The following MYO5B variants were observed in gnomAD, a reference collection of about 807,000 sequenced individuals.
MYO5B encodes the protein myosin VB, also known as unconventional myosin-Vb.
MYO5B carries 143 observed loss-of-function variants against 229.3 expected under a neutral mutation model. That is an observed-to-expected ratio of 0.62 (90% confidence interval 0.54 to 0.72). The LOEUF (loss-of-function observed/expected upper bound fraction) is 0.72. MYO5B is among the 30% of genes least tolerant of loss of function. MYO5B has a pLI of 0.00. For synonymous variants in MYO5B, 918 were observed against 885.2 expected (o/e 1.04, Z -0.66); for missense variants, 2,321 against 2,331.0 (o/e 1.00, Z 0.09).
chr18:50,108,719 G>A (rs1272438213), intron 1 of MYO5B, among the ~76,000 whole-genome samples: 3 of 152,064 alleles, frequency 2.0e-5, no homozygotes, highest in Non-Finnish European at 2.9e-5. Flanking sequence ...TAATAATAAG[G>A]CCTTGCTGTG....
At position 49,963,400 on chromosome 18, in the gene MYO5B, T is replaced by TTTAATTAA. The variant is rs367589656; in HGVS notation, c.1323-378_1323-371dup. Among the ~76,000 whole-genome samples the TTTAATTAA allele has an allele frequency of 2.7e-3, 398 of 147,574 alleles. 2 individuals are homozygous for TTTAATTAA. Among genetic ancestry groups the TTTAATTAA allele is most frequent in the African/African-American group, 8.6e-3 (344 of 40,008 alleles). Reference sequence around the variant, plus strand: ...ACTATGTAACATTTTACTTATTTAATTTAATTAATTAATTAATTTATTTAT... The same window carrying TTTAATTAA: ...ACTATGTAACATTTTACTTATTTAATTTAATTAATTAATTAATTAATTAATTTATTTAT... On this transcript the variant is annotated intron_variant, in intron 10 of 39. Coordinates refer to ENST00000285039, the MANE Select transcript of MYO5B (RefSeq NM_001080467.3).
Position 50,068,715 on chromosome 18 carries a change from A to G in MYO5B, c.28-13337T>C, listed in dbSNP as rs139341719. On this transcript the variant is annotated intron_variant, in intron 1 of 39. Transcript: ENST00000285039. Reference sequence around the variant, plus strand: ...GAAAGAAGAAGTGTGGCTCTGGTCAATAAGTTACCAAGGCACACAGACCTC... The same window carrying G: ...GAAAGAAGAAGTGTGGCTCTGGTCAGTAAGTTACCAAGGCACACAGACCTC... Among the ~76,000 whole-genome samples the G allele has an allele frequency of 3.4e-3, 511 of 152,314 alleles. 4 individuals carry two copies. The highest frequency in any genetic ancestry group is 0.012 in the African/African-American group (489 of 41,562).
intron 2 of MYO5B, among the ~76,000 whole-genome samples, chr18:50,053,422 T>C (rs16951435): frequency 6.4e-4 from 97 of 151,542 alleles, no homozygotes; most frequent in African/African-American, 2.2e-3. Flanking sequence ...ACTACCTCCG[T>C]GCAACTTTTT....
chr18:50,041,652 G>A (rs2030018446), intron 2 of MYO5B, among the ~76,000 whole-genome samples: 1 of 151,998 alleles, frequency 6.6e-6, no homozygotes. Flanking sequence ...ACCAAAATAA[G>A]TTTAGATAGA....
At chr18:49,954,566 T>C in intron 12 of MYO5B, 131 bp from the exon 13 acceptor site, 1 of 1,180,998 alleles carries the variant, frequency 8.5e-7, no homozygotes, top group Non-Finnish European at 1.2e-6. Context: ...GGACCTTAAC[T>C]GGACGGTGCA....
intron 1 of MYO5B, among the ~76,000 whole-genome samples, chr18:50,174,723 C>T (rs930210323): frequency 6.6e-6 from 1 of 152,148 alleles, no homozygotes; most frequent in African/African-American, 2.4e-5. Context: ...TAGGGGGTAG[C>T]AGTGGTGTGG....
chr18:50,158,551 T>C (rs908540130), intron 1 of MYO5B, among the ~76,000 whole-genome samples: 18 of 152,226 alleles, frequency 1.2e-4, no homozygotes, highest in Admixed American at 1.2e-3. Context: ...AATTTCATCA[T>C]GTGATGCATT....
chr18:50,106,309 C>T (rs2031759047), intron 1 of MYO5B, among the ~76,000 whole-genome samples: 1 of 152,216 alleles, frequency 6.6e-6, no homozygotes, highest in Admixed American at 6.5e-5. Flanking sequence ...ATTCTCCTTA[C>T]TGCAGCCAAA....
intron 1 of MYO5B, among the ~76,000 whole-genome samples, chr18:50,077,169 A>C (rs574741818): frequency 1.2e-4 from 1 of 8,164 alleles, no homozygotes; most frequent in Non-Finnish European, 3.9e-4. Flanking sequence ...GTGGCAAAGT[A>C]AAAAAAAAAA....
At chr18:50,035,929 AAC>A (rs975033158) in intron 4 of MYO5B, among the ~76,000 whole-genome samples, 19 of 152,312 alleles carry the variant, frequency 1.2e-4, no homozygotes, top group Middle Eastern at 3.4e-3. Flanking sequence ...ATGCCCATAA[AAC>A]AGTCTTCCCT....
At chr18:49,871,539 T>C (rs1473097870) in intron 27 of MYO5B, 1 of 155,266 alleles carries the variant, frequency 6.4e-6, no homozygotes, top group African/African-American at 2.5e-5. Flanking sequence ...ATTTATTTTT[T>C]GACAAGTTAT....
At chr18:49,885,838 G>A (rs2848935) in intron 22 of MYO5B, among the ~76,000 whole-genome samples, 88,279 of 152,022 alleles carry the variant, frequency 0.58, 25,797 homozygotes, top group Middle Eastern at 0.67. Flanking sequence ...TGATGGGTCT[G>A]TAGTGGCCTT....
rs62101465 is a variant in MYO5B, at chr18:50,120,707, C to A, written c.28-65329G>T. On this transcript the variant is annotated intron_variant, in intron 1 of 39. Coordinates refer to ENST00000285039, the MANE Select transcript of MYO5B (RefSeq NM_001080467.3). Reference sequence around the variant, plus strand: ...TTGTATGTGATATGGAGACAATAATCCCTGCTTAGTCTAGGGGTGGAGAAC... The same window carrying A: ...TTGTATGTGATATGGAGACAATAATACCTGCTTAGTCTAGGGGTGGAGAAC... 3.3e-5 allele frequency among the ~76,000 whole-genome samples: 5 copies of A among 152,228 alleles called. No individual in the cohort carries two copies. The East Asian group carries it at 5.8e-4, about 18-fold the overall frequency.
intron 14 of MYO5B, among the ~76,000 whole-genome samples, chr18:49,949,449 G>A (rs1461301254): frequency 1.3e-5 from 2 of 150,842 alleles, no homozygotes; most frequent in African/African-American, 4.8e-5. Context: ...TTACAGCTCC[G>A]ATAGCTGAGA....
At chr18:49,980,619 C>T in intron 8 of MYO5B, 66 bp from the exon 9 acceptor site, 1 of 1,183,296 alleles carries the variant, frequency 8.5e-7, no homozygotes, top group Non-Finnish European at 1.3e-6. Flanking sequence ...CATTTTACCC[C>T]TTTTAAGGAC....
chr18:49,922,506 G>T (rs1035729552), intron 17 of MYO5B, among the ~76,000 whole-genome samples: 3 of 152,134 alleles, frequency 2.0e-5, no homozygotes, highest in Admixed American at 1.3e-4. Context: ...TGGTGAGGAT[G>T]ATTCGACTGC....
intron 4 of MYO5B, among the ~76,000 whole-genome samples, chr18:50,012,869 T>A (rs1458787310): frequency 6.6e-6 from 1 of 152,186 alleles, no homozygotes; most frequent in Non-Finnish European, 1.5e-5. Flanking sequence ...TTCAAACACA[T>A]CATGGGTCCA....
intron 1 of MYO5B, among the ~76,000 whole-genome samples, chr18:50,113,706 T>C (rs1179990982): frequency 2.0e-5 from 3 of 152,244 alleles, no homozygotes; most frequent in African/African-American, 4.8e-5. Flanking sequence ...TCTTTTCTCA[T>C]GGCAGAGTCC....
At chr18:49,961,837 T>C (rs891200497) in intron 12 of MYO5B, among the ~76,000 whole-genome samples, 12 of 152,158 alleles carry the variant, frequency 7.9e-5, no homozygotes, top group African/African-American at 2.9e-4. Flanking sequence ...ATGGGGAAAT[T>C]ATGAATTTCA....
Sources: allele counts gnomAD v4.1 joint callset (sites outside exome capture counted in the v4.1 genomes callset), GRCh38; gene constraint gnomAD v4.1.1; transcripts MANE v1.5; gene names NCBI Gene and HGNC (gene_info 2026-07-23, HGNC 2026-07-21).